The following NEURL1 variants were observed in gnomAD, a reference collection of about 807,000 sequenced individuals.
The protein encoded by NEURL1 is E3 ubiquitin-protein ligase NEURL1.
Under a neutral mutation model 41.2 loss-of-function variants are expected in NEURL1, and 26 were observed. The ratio of observed to expected loss-of-function variants is 0.63; its 90% CI spans 0.46 to 0.87. The LOEUF (loss-of-function observed/expected upper bound fraction) is 0.87. Among genes scored for constraint, NEURL1 ranks in the 40% least tolerant of loss-of-function variants. The pLI, the probability that NEURL1 is intolerant of heterozygous loss-of-function variation, is 0.00. For missense variants in NEURL1, 761 were observed against 871.1 expected (o/e 0.87, Z 1.59); for synonymous variants, 400 against 402.3 (o/e 0.99, Z 0.07).
chr10:103,569,793 G>C (rs2035498929), intron 1 of NEURL1, among the ~76,000 whole-genome samples: 1 of 152,208 alleles, frequency 6.6e-6, no homozygotes. Flanking sequence ...TAGTGAGCCT[G>C]GCAGGCAGGA....
chr10:103,501,822 CAG>C (rs900212019), intron 1 of NEURL1, among the ~76,000 whole-genome samples: 4 of 151,506 alleles, frequency 2.6e-5, no homozygotes, highest in Non-Finnish European at 5.9e-5. Context: ...TTAGTAGAGA[CAG>C]AGTTTTGCCA....
At chr10:103,501,324 G>A (rs1325459571) in intron 1 of NEURL1, among the ~76,000 whole-genome samples, 1 of 152,170 alleles carries the variant, frequency 6.6e-6, no homozygotes. Context: ...GGCATCTTGA[G>A]CTGCTGAGAG....
chr10:103,575,182 T>A (rs1266125200), intron 3 of NEURL1, among the ~76,000 whole-genome samples: 1 of 147,758 alleles, frequency 6.8e-6, no homozygotes, highest in Non-Finnish European at 1.5e-5. Context: ...CGCCCCTCCC[T>A]CTCTCCATCA....
intron 1 of NEURL1, among the ~76,000 whole-genome samples, chr10:103,513,760 T>G (rs925178899): frequency 8.4e-6 from 1 of 119,600 alleles, no homozygotes. Context: ...TAGGAGCTGG[T>G]GAGGGTGGGG....
At chr10:103,565,210 C>T (rs752036825) in intron 1 of NEURL1, among the ~76,000 whole-genome samples, 13 of 152,102 alleles carry the variant, frequency 8.5e-5, no homozygotes, top group African/African-American at 2.4e-4. Flanking sequence ...GGGCCTGCCA[C>T]GTGACAGGAG....
At chr10:103,506,870 T>C (rs1430567397) in intron 1 of NEURL1, among the ~76,000 whole-genome samples, 2 of 152,208 alleles carry the variant, frequency 1.3e-5, no homozygotes, top group Non-Finnish European at 2.9e-5. Context: ...CCACTTCTGC[T>C]TTCTTTTCCT....
intron 1 of NEURL1, among the ~76,000 whole-genome samples, chr10:103,543,177 G>A (rs963103193): frequency 6.6e-6 from 1 of 152,212 alleles, no homozygotes; most frequent in African/African-American, 2.4e-5. Flanking sequence ...TCCTGCAGTG[G>A]GGTGGCTGGG....
intron 1 of NEURL1, among the ~76,000 whole-genome samples, chr10:103,531,924 C>T (rs1392157814): frequency 6.6e-6 from 1 of 152,176 alleles, no homozygotes; most frequent in African/African-American, 2.4e-5. Flanking sequence ...CTGAATTGAT[C>T]CCTTTATCAT....
At chr10:103,578,958 G>A (rs192680692) in intron 3 of NEURL1, among the ~76,000 whole-genome samples, 8 of 152,334 alleles carry the variant, frequency 5.3e-5, no homozygotes, top group South Asian at 2.1e-4. Flanking sequence ...CAAGCCAGGC[G>A]GCTGCAGGCT....
At chr10:103,555,547 T>G in intron 1 of NEURL1, 1 of 657,956 alleles carries the variant, frequency 1.5e-6, no homozygotes, top group South Asian at 2.4e-5. Flanking sequence ...TCTGGGGCTG[T>G]GTGGGGGCAC....
chr10:103,503,550 T>A (rs1413168053), intron 1 of NEURL1, among the ~76,000 whole-genome samples: 2 of 151,880 alleles, frequency 1.3e-5, no homozygotes, highest in Non-Finnish European at 2.9e-5. Context: ...AAGAGGTAGG[T>A]GGGAGAGCTC....
In NEURL1 at chr10:103,545,275, G is replaced by A. The variant is rs2034903165; in HGVS notation, c.86-25597G>A. ...ACAGCCACCTTTGGTGGCCACACCTGAACTCTGGCTCAGGAGGGTGGGGCA... is the reference window on the plus strand; with the variant it reads ...ACAGCCACCTTTGGTGGCCACACCTAAACTCTGGCTCAGGAGGGTGGGGCA... On this transcript the variant is annotated intron_variant, in intron 1 of 5. Coordinates refer to ENST00000369780, the MANE Select transcript of NEURL1 (RefSeq NM_004210.5). The surrounding 1 kb of genome is among the most constrained non-coding windows in gnomAD (Gnocchi z 4.5). 1.3e-5 allele frequency among the ~76,000 whole-genome samples: 2 copies of A among 152,230 alleles called. No individual in the cohort carries two copies. The highest frequency in any genetic ancestry group is 2.4e-5 in the African/African-American group (1 of 41,460).
intron 1 of NEURL1, among the ~76,000 whole-genome samples, chr10:103,535,368 T>C (rs1294774829): frequency 6.6e-6 from 1 of 152,132 alleles, no homozygotes; most frequent in African/African-American, 2.4e-5. Context: ...TCTATTTCCC[T>C]GGGACATGGG....
chr10:103,587,105 CA>C (rs2035940240), intron 4 of NEURL1, among the ~76,000 whole-genome samples: 1 of 151,624 alleles, frequency 6.6e-6, no homozygotes, highest in Non-Finnish European at 1.5e-5. Flanking sequence ...AGCAAGCAGG[CA>C]AGATGAATCA....
Position 103,584,267 on chromosome 10 carries a change from A to G in NEURL1, c.650-269A>G, listed in dbSNP as rs117672047. On this transcript the variant is annotated intron_variant, in intron 3 of 5. Coordinates refer to ENST00000369780, the MANE Select transcript of NEURL1 (RefSeq NM_004210.5). ...AGTTTACTGTAGAAAATGAGGAAGTACACATATGCATATAGCAAGCACCTG... is the reference window on the plus strand; with the variant it reads ...AGTTTACTGTAGAAAATGAGGAAGTGCACATATGCATATAGCAAGCACCTG... 9.2e-5 allele frequency among the ~76,000 whole-genome samples: 14 copies of G among 152,328 alleles called. No homozygotes were observed. The East Asian group carries it at 2.7e-3, about 29-fold the overall frequency.
chr10:103,558,399 G>GT lies in NEURL1; in HGVS notation c.86-12472dup, dbSNP rs1041073469. Among the ~76,000 whole-genome samples the GT allele has an allele frequency of 2.0e-5, 3 of 152,252 alleles. No homozygotes were observed. Among genetic ancestry groups the GT allele is most frequent in the Admixed American group, 6.5e-5 (1 of 15,292 alleles). ...CTGTGTTTTAGATCTCTGTGTACCTGTGTGATGTGTCTCTAACTGTGGATT... is the reference window on the plus strand; with the variant it reads ...CTGTGTTTTAGATCTCTGTGTACCTGTTGTGATGTGTCTCTAACTGTGGATT... On this transcript the variant is annotated intron_variant, in intron 1 of 5. Transcript: ENST00000369780. This position sits in a 1 kb window ranked among gnomAD's most constrained non-coding sequence, Gnocchi z 4.2.
At chr10:103,514,899 C>T (rs1275271906) in intron 1 of NEURL1, among the ~76,000 whole-genome samples, 1 of 152,100 alleles carries the variant, frequency 6.6e-6, no homozygotes, top group African/African-American at 2.4e-5. Context: ...CCATCCACCT[C>T]ACCACCCTGT....
rs539983650 is a variant in NEURL1, at chr10:103,525,422, C to T, written c.85+30950C>T. Among the ~76,000 whole-genome samples the T allele has an allele frequency of 1.3e-4, 20 of 150,606 alleles. No homozygotes were observed. In the South Asian group the frequency reaches 1.9e-3, roughly 14 times the overall value. The stretch of plus-strand genomic sequence containing the variant: ...AGGCTGGAGTGCAGTGGCATCACCT[C>T]GGCCCACTACAACCTCCTCCTCCTG... On this transcript the variant is annotated intron_variant, in intron 1 of 5. Transcript: ENST00000369780.
At chr10:103,538,732 C>T (rs1215513117) in intron 1 of NEURL1, among the ~76,000 whole-genome samples, 20 of 147,502 alleles carry the variant, frequency 1.4e-4, no homozygotes, top group African/African-American at 3.2e-4. Flanking sequence ...CTGCAACCTC[C>T]GCCTCCCGAG....
Sources: allele counts gnomAD v4.1 joint callset (sites outside exome capture counted in the v4.1 genomes callset), GRCh38; gene constraint gnomAD v4.1.1; non-coding constraint Gnocchi (gnomAD v3.1); transcripts MANE v1.5; gene names NCBI Gene and HGNC (gene_info 2026-07-23, HGNC 2026-07-21).